DST: variants seen among roughly 807,000 people sequenced by gnomAD.
DST encodes bullous pemphigoid antigen.
Under a neutral mutation model 875.2 loss-of-function variants are expected in DST, and 253 were observed. That is an observed-to-expected ratio of 0.29 (90% CI 0.26 to 0.32). The LOEUF is 0.32. DST is among the 10% of genes least tolerant of loss of function. DST has a pLI of 1.00. For missense variants in DST, 8,287 were observed against 9,111.6 expected, an observed-to-expected ratio of 0.91 and a Z score of 3.68; for synonymous variants, 3,124 against 3,197.1, an observed-to-expected ratio of 0.98 and a Z score of 0.77.
At chr6:56,812,184 T>G (rs923059586) in intron 4 of DST, among the ~76,000 whole-genome samples, 1 of 146,636 alleles carries the variant, frequency 6.8e-6, no homozygotes, top group East Asian at 2.0e-4. Flanking sequence ...CTGATATAAA[T>G]CTGACAAAAA....
At chr6:56,752,332 T>C (rs148640590) in intron 4 of DST, among the ~76,000 whole-genome samples, 214 of 152,170 alleles carry the variant, frequency 1.4e-3, no homozygotes, top group African/African-American at 4.9e-3. Flanking sequence ...TTTTTTTTTT[T>C]AAATCAAGGT....
chr6:56,691,185 T>C (rs1024528724), intron 9 of DST, among the ~76,000 whole-genome samples: 7 of 152,196 alleles, frequency 4.6e-5, no homozygotes, highest in African/African-American at 1.4e-4. Flanking sequence ...GGAAAACATA[T>C]GTGAAATTAA....
chr6:56,584,950 G>A (rs1278135717), intron 49 of DST, among the ~76,000 whole-genome samples: 2 of 151,700 alleles, frequency 1.3e-5, no homozygotes, highest in Non-Finnish European at 3.0e-5. Flanking sequence ...AAGCCCACTT[G>A]ATCATGGTGG....
intron 3 of DST, among the ~76,000 whole-genome samples, chr6:56,891,222 C>T (rs1339200555): frequency 1.3e-5 from 2 of 152,168 alleles, no homozygotes; most frequent in Non-Finnish European, 2.9e-5. Context: ...ACTCTGACAA[C>T]GTCCAGTCTC....
In DST at chr6:56,608,413, A is replaced by G. The variant is rs2098516539; in HGVS notation, c.6215T>C (p.Leu2072Pro). The change falls in exon 40 of 104, where the codon CTC becomes CCC. Residue 2072 changes from leucine (L) to proline (P), a missense_variant. Leu to Pro is a moderately conservative substitution (Grantham distance 98). Around this residue, in one of 10 missense-constraint regions of DST, gnomAD observed 3,138 missense variants for 3,116.6 expected, o/e 1.01. Transcript: ENST00000680361. ...TATTTCACCAGAATGGGGCCAAATGAGTCCAACATAGCCTCGCTGAGCTTC... is the reference window on the plus strand; with the variant it reads ...TATTTCACCAGAATGGGGCCAAATGGGTCCAACATAGCCTCGCTGAGCTTC... Reference protein sequence around the residue: ...VLEAQRGYVGLIWPHSGEIFP... With the variant: ...VLEAQRGYVGPIWPHSGEIFP... 6.2e-7 allele frequency: 1 copy of G among 1,613,580 alleles called. No homozygotes were observed.
At chr6:56,701,058 C>A (rs35668437) in intron 8 of DST, among the ~76,000 whole-genome samples, 21,651 of 147,726 alleles carry the variant, frequency 0.15, 2,060 homozygotes, top group Non-Finnish European at 0.22. Flanking sequence ...TGGCTCAACA[C>A]ATCCTCAATT....
In DST at chr6:56,797,826, A is replaced by G. The variant is rs1442572659; in HGVS notation, c.625+53571T>C. ...AGAGCGAAACTCCGTCTCAAAAAAA[A>G]AAAAAAAAAAAGCTACTCCAGTGAA... On this transcript the variant is annotated intron_variant, in intron 4 of 103. Coordinates refer to ENST00000680361, the MANE Select transcript of DST (RefSeq NM_001374736.1). Among the ~76,000 whole-genome samples, 4 of 151,708 alleles carry G rather than the reference A, an allele frequency of 2.6e-5. 1 individual carries two copies. The highest frequency in any genetic ancestry group is 5.9e-5 in the Non-Finnish European group (4 of 67,882).
intron 95 of DST, 71 bp downstream of exon 95, chr6:56,471,035 C>A (rs2094865217): frequency 1.4e-6 from 2 of 1,444,232 alleles, no homozygotes; most frequent in Non-Finnish European, 1.9e-6. Context: ...GTTTACCAGA[C>A]CCACACTTTT....
Position 56,511,295 on chromosome 6 carries a change from C to G in DST, c.18682G>C (p.Glu6228Gln). 6.2e-7 allele frequency: 1 copy of G among 1,605,342 alleles called. No individual in the cohort carries two copies. Among genetic ancestry groups the G allele is most frequent in the East Asian group, 2.2e-5 (1 of 44,670 alleles). ...LSPGEGFSIQEKYVAADTLYS... is the reference protein window; with the variant it reads ...LSPGEGFSIQQKYVAADTLYS... Reference sequence around the variant, plus strand: ...AGGGTGTCGGCTGCCACATACTTCTCTTGGATAGAAAAGCCTTCCCCAGGG... The same window carrying G: ...AGGGTGTCGGCTGCCACATACTTCTGTTGGATAGAAAAGCCTTCCCCAGGG... The change falls in exon 73 of 104, where the codon GAG becomes CAG. Residue 6228 changes from glutamate (E) to glutamine (Q), a missense_variant. This residue lies in a region of DST where 1,292 missense variants were observed against 1,552.7 expected (regional missense o/e 0.83). Coordinates refer to ENST00000680361, the MANE Select transcript of DST (RefSeq NM_001374736.1).
chr6:56,651,844 C>A (rs1243115229), intron 10 of DST, among the ~76,000 whole-genome samples: 2 of 152,152 alleles, frequency 1.3e-5, no homozygotes, highest in African/African-American at 4.8e-5. Context: ...AGACTCCTTG[C>A]CCTATTAATT....
chr6:56,901,208 A>G (rs910751426), intron 2 of DST, among the ~76,000 whole-genome samples: 2 of 152,242 alleles, frequency 1.3e-5, no homozygotes, highest in Non-Finnish European at 2.9e-5. Context: ...ACAGCTACAC[A>G]ATGTATTAAA....
At chr6:56,654,948 G>T (rs1248390045) in intron 10 of DST, among the ~76,000 whole-genome samples, 2 of 151,984 alleles carry the variant, frequency 1.3e-5, no homozygotes, top group Non-Finnish European at 2.9e-5. Context: ...ATCACCTGAG[G>T]TCAGGAATTC....
In DST at chr6:56,593,670, T is replaced by C. The variant is rs2152688470; in HGVS notation, c.12719A>G (p.Tyr4240Cys). ...AAATCAAAATAACATTACCTTAGAG[T>C]AGAGAGACCTGAACCGATCAGTAGC... Reference protein sequence around the residue: ...DHATDRFRSLYSKCNVLGNNL... With the variant: ...DHATDRFRSLCSKCNVLGNNL... Residue 4240 changes from tyrosine to cysteine, a missense_variant, in exon 48 of 104, where the codon TAC becomes TGC. Tyr to Cys is a radical substitution (Grantham distance 194, BLOSUM62 -2). Around this residue, in one of 10 missense-constraint regions of DST, gnomAD observed 1,513 missense variants for 1,677.8 expected, o/e 0.90. Coordinates refer to ENST00000680361, the MANE Select transcript of DST (RefSeq NM_001374736.1). The C allele has an allele frequency of 6.4e-7, 1 of 1,563,852 alleles. No homozygotes were observed.
At chr6:56,569,137 ATGATGAAACCC>A (rs1396263051) in intron 54 of DST, among the ~76,000 whole-genome samples, 1 of 152,062 alleles carries the variant, frequency 6.6e-6, no homozygotes, top group Non-Finnish European at 1.5e-5. Flanking sequence ...CCTGGCTAAC[ATGATGAAACCC>A]TGTCTCTACT....
Position 56,601,486 on chromosome 6 carries a change from A to G in DST, c.11498T>C (p.Leu3833Ser), listed in dbSNP as rs752923442. Reference protein sequence around the residue: ...QESVTTQVERLETQLHLEQDL... With the variant: ...QESVTTQVERSETQLHLEQDL... ...TTGTTCTAGATGTAACTGAGTCTCTAAACGTTCCACCTGGGTAGTTACTGA... is the reference window on the plus strand; with the variant it reads ...TTGTTCTAGATGTAACTGAGTCTCTGAACGTTCCACCTGGGTAGTTACTGA... The change falls in exon 44 of 104, where the codon TTA becomes TCA. Residue 3833 changes from leucine to serine, a missense_variant. This residue lies in a region of DST where 3,138 missense variants were observed against 3,116.6 expected (regional missense o/e 1.01). Coordinates refer to ENST00000680361, the MANE Select transcript of DST (RefSeq NM_001374736.1). 2 of 1,605,088 alleles carry G rather than the reference A, an allele frequency of 1.2e-6. No homozygotes were observed. Among genetic ancestry groups the G allele is most frequent in the Non-Finnish European group, 1.7e-6 (2 of 1,175,894 alleles).
chr6:56,772,201 G>C (rs1327774851), intron 4 of DST, among the ~76,000 whole-genome samples: 1 of 152,108 alleles, frequency 6.6e-6, no homozygotes, highest in Non-Finnish European at 1.5e-5. Context: ...TTATGTAAAT[G>C]CTTAATCATT....
At position 56,631,909 on chromosome 6, in the gene DST, T is replaced by G; in HGVS notation, c.3937A>C (p.Ser1313Arg). The G allele has an allele frequency of 6.2e-7, 1 of 1,614,096 alleles. No individual in the cohort carries two copies. Among genetic ancestry groups the G allele is most frequent in the Admixed American group, 1.7e-5 (1 of 60,034 alleles). Residue 1313 changes from serine (S) to arginine (R), a missense_variant, in exon 29 of 104, where the codon AGT (serine) becomes CGT (arginine). This residue lies in a region of DST where 3,138 missense variants were observed against 3,116.6 expected (regional missense o/e 1.01). Coordinates refer to ENST00000680361, the MANE Select transcript of DST (RefSeq NM_001374736.1). Reference protein sequence around the residue: ...TPLERDDLHESVFRITEQEKL... With the variant: ...TPLERDDLHERVFRITEQEKL... ...TCCTGTTCTGTGATTCTGAACACAC[T>G]TTCATGCAAATCATCTCTTTCCAGG...
intron 91 of DST, among the ~76,000 whole-genome samples, chr6:56,476,914 T>A (rs998632386): frequency 1.3e-5 from 2 of 151,858 alleles, no homozygotes; most frequent in African/African-American, 2.4e-5. Flanking sequence ...ATCCAGCTAC[T>A]GCACTCCAGC....
Position 56,617,233 on chromosome 6 carries a change from A to G in DST, c.4930-2749T>C, listed in dbSNP as rs766566492. ...ATTCATCATCCCTGACTGAACATGCATGATCACCATCAAAGTTCTGGAAGG... is the reference window on the plus strand; with the variant it reads ...ATTCATCATCCCTGACTGAACATGCGTGATCACCATCAAAGTTCTGGAAGG... On this transcript the variant is annotated intron_variant, in intron 36 of 103. Transcript: ENST00000680361. 28 of 1,606,932 alleles carry G rather than the reference A, an allele frequency of 1.7e-5. No individual in the cohort carries two copies. The highest frequency in any genetic ancestry group is 2.4e-5 in the Non-Finnish European group (28 of 1,176,702).
Sources: gnomAD v4.1 joint callset for allele counts (sites outside exome capture counted in the v4.1 genomes callset) on GRCh38, gnomAD v4.1.1 for gene constraint, gnomAD v4.1.1 regional missense constraint, MANE v1.5 for transcripts, NCBI Gene and HGNC (gene_info 2026-07-23, HGNC 2026-07-21) for gene names.